RORA: variants seen among roughly 807,000 people sequenced by gnomAD.
RORA encodes nuclear receptor ROR-alpha.
RORA carries 7 observed loss-of-function variants against 69.5 expected under a neutral mutation model. The observed-to-expected ratio is 0.10, with a 90% CI of 0.06 to 0.19. The LOEUF (loss-of-function observed/expected upper bound fraction) is 0.19. Ranked by LOEUF, RORA falls within the 10% of genes least tolerant of loss-of-function variation. The pLI is 1.00. For missense variants in RORA, 457 were observed against 663.0 expected (o/e 0.69, Z 3.41); for synonymous variants, 261 against 240.8 (o/e 1.08, Z -0.78).
chr15:60,888,550 T>C (rs2073777426), intron 1 of RORA, among the ~76,000 whole-genome samples: 1 of 152,196 alleles, frequency 6.6e-6, no homozygotes, highest in Non-Finnish European at 1.5e-5. Flanking sequence ...AAGCAGCTGA[T>C]GATTATGTTT....
At chr15:61,089,606 C>T (rs898287866) in intron 1 of RORA, among the ~76,000 whole-genome samples, 1 of 152,132 alleles carries the variant, frequency 6.6e-6, no homozygotes, top group Admixed American at 6.6e-5. Context: ...GACAGAAGAT[C>T]CTGAACCCAG....
intron 2 of RORA, among the ~76,000 whole-genome samples, chr15:60,598,103 G>C (rs894053092): frequency 2.6e-5 from 4 of 151,970 alleles, no homozygotes; most frequent in African/African-American, 9.7e-5. Context: ...GCCACTAGGA[G>C]GATTAAACAG....
At chr15:60,798,221 G>GACAC (rs34480684) in intron 1 of RORA, among the ~76,000 whole-genome samples, 4 of 145,700 alleles carry the variant, frequency 2.7e-5, no homozygotes, top group African/African-American at 1.0e-4. Context: ...TTCCCCAACA[G>GACAC]ACACACACAC....
intron 2 of RORA, among the ~76,000 whole-genome samples, chr15:60,562,983 A>G (rs1036145681): frequency 1.3e-5 from 2 of 152,204 alleles, no homozygotes; most frequent in African/African-American, 2.4e-5. Context: ...CCGAGTGTAC[A>G]AGGCAACTTC....
At chr15:60,687,294 G>A (rs1406574407) in intron 1 of RORA, among the ~76,000 whole-genome samples, 1 of 152,052 alleles carries the variant, frequency 6.6e-6, no homozygotes, top group African/African-American at 2.4e-5. Flanking sequence ...AATACCATGG[G>A]TCCATAAAGA....
intron 1 of RORA, among the ~76,000 whole-genome samples, chr15:61,153,726 G>A (rs2079417725): frequency 6.6e-6 from 1 of 152,112 alleles, no homozygotes; most frequent in African/African-American, 2.4e-5. Flanking sequence ...ATTGCTACAT[G>A]CATCAATAAT....
At chr15:60,766,966 G>C (rs545077019) in intron 1 of RORA, among the ~76,000 whole-genome samples, 3 of 152,324 alleles carry the variant, frequency 2.0e-5, no homozygotes, top group East Asian at 1.9e-4. Context: ...TGGGAGAGAA[G>C]ATAGAGATCA....
intron 2 of RORA, among the ~76,000 whole-genome samples, chr15:60,551,585 A>G (rs912133932): frequency 1.3e-5 from 2 of 152,184 alleles, no homozygotes; most frequent in African/African-American, 4.8e-5. Context: ...CCGCCCCACA[A>G]TGATACTGTA....
At chr15:61,189,856 C>CA (rs71125907) in intron 1 of RORA, among the ~76,000 whole-genome samples, 1,620 of 42,888 alleles carry the variant, frequency 0.038, 636 homozygotes, top group African/African-American at 0.13. Flanking sequence ...GACTCTGTCT[C>CA]AAAAAAAAAA....
At chr15:61,148,395 C>G (rs12900813) in intron 1 of RORA, among the ~76,000 whole-genome samples, 6 of 151,886 alleles carry the variant, frequency 4.0e-5, no homozygotes, top group Admixed American at 3.9e-4. Context: ...TGTAGTTTCA[C>G]TCTCCCACAT....
chr15:61,127,407 C>T lies in RORA; in HGVS notation c.166+101646G>A, dbSNP rs571573349. 5.4e-3 allele frequency among the ~76,000 whole-genome samples: 820 copies of T among 152,246 alleles called. 7 individuals carry two copies. The highest frequency in any genetic ancestry group is 8.6e-3 in the Non-Finnish European group (587 of 67,996). On this transcript the variant is annotated intron_variant, in intron 1 of 10. Transcript: ENST00000335670. The stretch of plus-strand genomic sequence containing the variant: ...ATGGAATCTGTGTGAGGTTAGGAAA[C>T]GGAGCCACAAAAAAAGGTCCACATG...
At chr15:61,193,875 G>A (rs752696473) in intron 1 of RORA, among the ~76,000 whole-genome samples, 27 of 152,092 alleles carry the variant, frequency 1.8e-4, no homozygotes, top group Non-Finnish European at 3.7e-4. Context: ...TAACCTTAGC[G>A]GATGGCTCCA....
chr15:60,711,253 C>T (rs1030663987), intron 1 of RORA, among the ~76,000 whole-genome samples: 2 of 152,188 alleles, frequency 1.3e-5, no homozygotes, highest in Non-Finnish European at 2.9e-5. Context: ...CTCATGGACA[C>T]TCTGCACTCC....
intron 1 of RORA, among the ~76,000 whole-genome samples, chr15:60,911,066 C>A (rs1297866126): frequency 8.3e-6 from 1 of 121,106 alleles, no homozygotes; most frequent in Non-Finnish European, 1.7e-5. Context: ...CCATGCCCAG[C>A]TAATTTTTTT....
At chr15:60,719,645 G>A (rs146024798) in intron 1 of RORA, among the ~76,000 whole-genome samples, 1 of 152,164 alleles carries the variant, frequency 6.6e-6, no homozygotes, top group African/African-American at 2.4e-5. Flanking sequence ...GTTGGGGTTT[G>A]GGGAATCATG....
intron 1 of RORA, among the ~76,000 whole-genome samples, chr15:61,014,428 G>A (rs12898479): frequency 0.77 from 117,519 of 152,086 alleles, 46,406 homozygotes; most frequent in Middle Eastern, 0.86. Context: ...TTGTGAGTCC[G>A]TCTATTAGGC....
At position 61,032,169 on chromosome 15, in the gene RORA, C is replaced by T. The variant is rs1243236246; in HGVS notation, c.166+196884G>A. 4.6e-5 allele frequency among the ~76,000 whole-genome samples: 7 copies of T among 152,274 alleles called. No individual in the cohort carries two copies. In the East Asian group the frequency reaches 9.7e-4, roughly 21 times the overall value. On this transcript the variant is annotated intron_variant, in intron 1 of 10. Coordinates refer to ENST00000335670, the MANE Select transcript of RORA (RefSeq NM_134261.3). ...ATTACATGCAGAGTACTTGAAATTA[C>T]GTAGGATTCCAAAGAAAACCCTTCC...
At chr15:60,833,868 G>A (rs2073080723) in intron 1 of RORA, among the ~76,000 whole-genome samples, 3 of 152,310 alleles carry the variant, frequency 2.0e-5, no homozygotes, top group Admixed American at 2.0e-4. Context: ...GGCCTTGGAT[G>A]TCAGTTTCCT....
At chr15:60,799,957 TTGTCTC>T (rs2072555793) in intron 1 of RORA, among the ~76,000 whole-genome samples, 1 of 152,188 alleles carries the variant, frequency 6.6e-6, no homozygotes, top group Non-Finnish European at 1.5e-5. Context: ...AATTAAAAAA[TTGTCTC>T]TGGCTCTGTT....
Sources: gnomAD v4.1 joint callset for allele counts (sites outside exome capture counted in the v4.1 genomes callset) on GRCh38, gnomAD v4.1.1 for gene constraint, MANE v1.5 for transcripts, NCBI Gene and HGNC (gene_info 2026-07-23, HGNC 2026-07-21) for gene names.